EPHA6: variants seen among roughly 807,000 people sequenced by gnomAD.
The protein encoded by EPHA6 is ephrin type-A receptor 6.
A neutral mutation model predicts 112.0 loss-of-function variants in EPHA6; 50 were observed. That is an observed-to-expected ratio of 0.45 (90% CI 0.36 to 0.56). The LOEUF (loss-of-function observed/expected upper bound fraction) is 0.56. Ranked by LOEUF, EPHA6 falls within the 20% of genes least tolerant of loss-of-function variation. The pLI is 0.00. For missense variants in EPHA6, 1,280 were observed against 1,417.4 expected (o/e 0.90, Z 1.56); for synonymous variants, 529 against 490.7 (o/e 1.08, Z -1.03).
At chr3:97,504,918 A>C (rs2092208274) in intron 10 of EPHA6, among the ~76,000 whole-genome samples, 1 of 152,126 alleles carries the variant, frequency 6.6e-6, no homozygotes, top group Non-Finnish European at 1.5e-5. Context: ...TGTTTGTAAA[A>C]ACTTGAAATC....
In EPHA6 at chr3:96,890,132, A is replaced by C. The variant is rs2037870173; in HGVS notation, c.450+23243A>C. 1.3e-5 allele frequency among the ~76,000 whole-genome samples: 2 copies of C among 151,728 alleles called. 1 individual carries two copies. Among genetic ancestry groups the C allele is most frequent in the South Asian group, 4.1e-4 (2 of 4,826 alleles). On this transcript the variant is annotated intron_variant, in intron 2 of 17. Transcript: ENST00000389672. ...CCGAACCCCCAAAATAAAAAAAAAAACATAAAAATATAAACGATATTACAT... is the reference window on the plus strand; with the variant it reads ...CCGAACCCCCAAAATAAAAAAAAAACCATAAAAATATAAACGATATTACAT...
chr3:96,837,430 G>A (rs567085378), intron 1 of EPHA6, among the ~76,000 whole-genome samples: 74 of 152,184 alleles, frequency 4.9e-4, no homozygotes, highest in African/African-American at 1.6e-3. Flanking sequence ...AGAATCAGCA[G>A]TAAAGGGCAT....
intron 3 of EPHA6, among the ~76,000 whole-genome samples, chr3:97,145,222 T>C (rs1418046405): frequency 6.6e-6 from 1 of 151,432 alleles, no homozygotes; most frequent in Non-Finnish European, 1.5e-5. Flanking sequence ...TTGACAGATG[T>C]ACAATGAAAT....
At chr3:97,426,179 T>G (rs2089106125) in intron 6 of EPHA6, among the ~76,000 whole-genome samples, 2 of 152,214 alleles carry the variant, frequency 1.3e-5, no homozygotes, top group African/African-American at 4.8e-5. Context: ...TATTAGTCTA[T>G]TCACATGCTG....
intron 10 of EPHA6, among the ~76,000 whole-genome samples, chr3:97,487,524 T>C (rs1308084545): frequency 1.3e-5 from 2 of 152,350 alleles, no homozygotes; most frequent in East Asian, 3.9e-4. Context: ...TCAGGCTGTC[T>C]TCCTCAATCT....
intron 15 of EPHA6, among the ~76,000 whole-genome samples, chr3:97,723,791 G>A (rs1372108532): frequency 6.6e-6 from 1 of 152,138 alleles, no homozygotes; most frequent in Non-Finnish European, 1.5e-5. Flanking sequence ...TGTATCTTGT[G>A]AATATTTTTG....
chr3:97,542,759 G>A (rs1226247396), intron 11 of EPHA6, among the ~76,000 whole-genome samples: 1 of 152,194 alleles, frequency 6.6e-6, no homozygotes, highest in Non-Finnish European at 1.5e-5. Context: ...AGCACCTGTT[G>A]TTTCCTGACT....
intron 4 of EPHA6, among the ~76,000 whole-genome samples, chr3:97,237,403 C>A (rs2078711507): frequency 6.6e-6 from 1 of 151,908 alleles, no homozygotes; most frequent in South Asian, 2.1e-4. Context: ...AACACATATA[C>A]TTTAATTTAC....
At chr3:97,543,348 G>C (rs1301698397) in intron 11 of EPHA6, among the ~76,000 whole-genome samples, 3 of 152,114 alleles carry the variant, frequency 2.0e-5, no homozygotes, top group Non-Finnish European at 4.4e-5. Context: ...TTATTAAATA[G>C]GGAATCCTTT....
intron 1 of EPHA6, among the ~76,000 whole-genome samples, chr3:96,851,683 T>G (rs867994177): frequency 2.0e-4 from 30 of 152,286 alleles, no homozygotes; most frequent in African/African-American, 6.7e-4. Flanking sequence ...TAACAGGCAC[T>G]GTCATTTAAG....
At chr3:96,852,870 A>G (rs949613598) in intron 1 of EPHA6, among the ~76,000 whole-genome samples, 6 of 152,090 alleles carry the variant, frequency 3.9e-5, no homozygotes, top group Non-Finnish European at 7.4e-5. Flanking sequence ...TGCTTTATAC[A>G]TTTTCTTTGA....
intron 10 of EPHA6, among the ~76,000 whole-genome samples, chr3:97,489,334 T>C (rs2091777273): frequency 6.6e-6 from 1 of 152,234 alleles, no homozygotes; most frequent in Non-Finnish European, 1.5e-5. Context: ...AATGAAATTT[T>C]ATTTTTGTTA....
In EPHA6 at chr3:97,726,881, A is replaced by G. The variant is rs142390842; in HGVS notation, c.2934+6471A>G. ...GGCAACATTAAATAACCAAATCCCC[A>G]CAGAGCTCATATGTAGGGAAAAAAG... On this transcript the variant is annotated intron_variant, in intron 15 of 17. Transcript: ENST00000389672. 2.0e-3 allele frequency among the ~76,000 whole-genome samples: 303 copies of G among 152,120 alleles called. 1 individual carries two copies. Among genetic ancestry groups the G allele is most frequent in the African/African-American group, 6.9e-3 (288 of 41,522 alleles).
chr3:97,233,088 C>A (rs1027048007), intron 4 of EPHA6, among the ~76,000 whole-genome samples: 2 of 151,992 alleles, frequency 1.3e-5, no homozygotes, highest in African/African-American at 2.4e-5. Context: ...TATTGGGAGA[C>A]CACTGTTCCC....
intron 5 of EPHA6, among the ~76,000 whole-genome samples, chr3:97,292,737 T>A (rs1576861728): frequency 6.6e-6 from 1 of 151,050 alleles, no homozygotes; most frequent in Non-Finnish European, 1.5e-5. Context: ...TGCAGGCAGG[T>A]CATCTGGGTG....
rs145802936 is a variant in EPHA6 at position 97,308,691 on chromosome 3, T to C, written c.1606+64404T>C. 3.6e-3 allele frequency among the ~76,000 whole-genome samples: 548 copies of C among 151,936 alleles called. 1 individual carries two copies. Among genetic ancestry groups the C allele is most frequent in the African/African-American group, 0.012 (511 of 41,524 alleles). ...AGAAACTTCATATGCTAACCTCTGC[T>C]ACAGAATTTATTTCGCTATTTTATC... On this transcript the variant is annotated intron_variant, in intron 5 of 17. Transcript: ENST00000389672.
intron 10 of EPHA6, among the ~76,000 whole-genome samples, chr3:97,505,971 C>A (rs1408952023): frequency 3.9e-5 from 6 of 152,130 alleles, no homozygotes; most frequent in Admixed American, 1.3e-4. Flanking sequence ...TTTGTTTGGC[C>A]ACATAAATGT....
At chr3:97,689,458 G>A (rs1258239447) in intron 14 of EPHA6, among the ~76,000 whole-genome samples, 4 of 152,070 alleles carry the variant, frequency 2.6e-5, no homozygotes, top group Admixed American at 6.6e-5. Context: ...ATTTTTTGGC[G>A]GGGTGGGCTT....
At chr3:97,606,887 G>A (rs1351329601) in intron 12 of EPHA6, among the ~76,000 whole-genome samples, 1 of 150,256 alleles carries the variant, frequency 6.7e-6, no homozygotes, top group Non-Finnish European at 1.5e-5. Flanking sequence ...TGCAACTGGG[G>A]GAAAAAAATA....
Sources: allele counts gnomAD v4.1 joint callset (sites outside exome capture counted in the v4.1 genomes callset), GRCh38; gene constraint gnomAD v4.1.1; transcripts MANE v1.5; gene names NCBI Gene and HGNC (gene_info 2026-07-23, HGNC 2026-07-21).